The following IMMP2L variants were observed in gnomAD, a reference collection of about 807,000 sequenced individuals.
IMMP2L encodes inner mitochondrial membrane peptidase subunit 2.
Under a neutral mutation model 19.3 loss-of-function variants are expected in IMMP2L, and 18 were observed. That is an observed-to-expected ratio of 0.93 (90% CI 0.64 to 1.38). The LOEUF is 1.38. IMMP2L is among the 40% of genes most tolerant of loss of function. The pLI, the probability that IMMP2L is intolerant of heterozygous loss-of-function variation, is 0.00. For missense variants in IMMP2L, 233 were observed against 218.2 expected (o/e 1.07, Z -0.43); for synonymous variants, 76 against 73.0 (o/e 1.04, Z -0.21).
intron 2 of IMMP2L, 93 bp downstream of exon 2, chr7:111,521,220 C>G: frequency 7.5e-7 from 1 of 1,337,696 alleles, no homozygotes; most frequent in South Asian, 1.5e-5. Flanking sequence ...CCTTTCAGTT[C>G]CCAGAATAGG....
intron 5 of IMMP2L, among the ~76,000 whole-genome samples, chr7:110,718,084 G>C (rs890923995): frequency 6.6e-6 from 1 of 152,140 alleles, no homozygotes; most frequent in Non-Finnish European, 1.5e-5. Context: ...GACCAAAAAT[G>C]GGACTTCTCT....
In IMMP2L at chr7:111,264,060, C is replaced by G. The variant is rs552564672; in HGVS notation, c.239+223178G>C. 7.2e-5 allele frequency among the ~76,000 whole-genome samples: 11 copies of G among 152,170 alleles called. No individual in the cohort carries two copies. In the South Asian group the frequency reaches 2.3e-3, roughly 32 times the overall value. ...AGGCTGCAGATGGACTTAGTGAGTACAGTTATAATACTCCATACTCAGCTT... is the reference window on the plus strand; with the variant it reads ...AGGCTGCAGATGGACTTAGTGAGTAGAGTTATAATACTCCATACTCAGCTT... On this transcript the variant is annotated intron_variant, in intron 3 of 5. Coordinates refer to ENST00000405709, the MANE Select transcript of IMMP2L (RefSeq NM_032549.4).
intron 3 of IMMP2L, among the ~76,000 whole-genome samples, chr7:111,280,921 T>A (rs2130601037): frequency 6.6e-6 from 1 of 151,724 alleles, no homozygotes; most frequent in South Asian, 2.1e-4. Flanking sequence ...TACAAAAAAA[T>A]TAGCCAGGCG....
intron 3 of IMMP2L, among the ~76,000 whole-genome samples, chr7:111,070,752 T>C (rs925276713): frequency 6.6e-6 from 1 of 152,178 alleles, no homozygotes; most frequent in Non-Finnish European, 1.5e-5. Context: ...GTGTAGTATA[T>C]GATATTTTAA....
chr7:110,844,426 G>A (rs1238870949), intron 5 of IMMP2L, among the ~76,000 whole-genome samples: 1 of 151,942 alleles, frequency 6.6e-6, no homozygotes, highest in Non-Finnish European at 1.5e-5. Context: ...AAATAATGGA[G>A]TCATAGAAGA....
In IMMP2L at chr7:111,209,068, C is replaced by A. The variant is rs188578927; in HGVS notation, c.240-245503G>T. ...CTTAGAGAGCACAATTTGTTTATTT[C>A]TTCAGAAATCTGAAAGTAATGTTCA... On this transcript the variant is annotated intron_variant, in intron 3 of 5. Coordinates refer to ENST00000405709, the MANE Select transcript of IMMP2L (RefSeq NM_032549.4). Among the ~76,000 whole-genome samples, 151 of 152,142 alleles carry A rather than the reference C, an allele frequency of 9.9e-4. 1 individual carries two copies. Among genetic ancestry groups the A allele is most frequent in the African/African-American group, 3.5e-3 (145 of 41,514 alleles).
At chr7:111,468,344 T>C (rs527836900) in intron 3 of IMMP2L, among the ~76,000 whole-genome samples, 17 of 152,262 alleles carry the variant, frequency 1.1e-4, no homozygotes, top group African/African-American at 4.1e-4. Flanking sequence ...AAAAGAAATA[T>C]GCTTATTAAC....
intron 3 of IMMP2L, among the ~76,000 whole-genome samples, chr7:111,004,092 C>T (rs960792623): frequency 1.3e-5 from 2 of 152,102 alleles, no homozygotes; most frequent in African/African-American, 4.8e-5. Context: ...TAGAGGCACA[C>T]TGTCTAGATT....
chr7:111,262,932 T>C (rs573399895), intron 3 of IMMP2L, among the ~76,000 whole-genome samples: 1 of 152,256 alleles, frequency 6.6e-6, no homozygotes, highest in East Asian at 1.9e-4. Flanking sequence ...AGATCTCTAA[T>C]GCATGTTTAT....
Position 110,924,492 on chromosome 7 carries a change from G to A in IMMP2L, c.306-37797C>T, listed in dbSNP as rs895822747. Among the ~76,000 whole-genome samples, 13 of 152,066 alleles carry A rather than the reference G, an allele frequency of 8.5e-5. No individual in the cohort carries two copies. Among genetic ancestry groups the A allele is most frequent in the South Asian group, 2.1e-4 (1 of 4,824 alleles). ...GCTGCAGGTACCAGGTTTATCCTAC[G>A]TTTCTCTCACTATGGGGAACTGGGC... On this transcript the variant is annotated intron_variant, in intron 4 of 5. Coordinates refer to ENST00000405709, the MANE Select transcript of IMMP2L (RefSeq NM_032549.4). This position sits in a 1 kb window ranked among gnomAD's most constrained non-coding sequence, Gnocchi z 4.2.
At chr7:110,972,542 G>A (rs1461127372) in intron 3 of IMMP2L, among the ~76,000 whole-genome samples, 3 of 151,988 alleles carry the variant, frequency 2.0e-5, no homozygotes, top group Non-Finnish European at 4.4e-5. Context: ...AAGGATTTTT[G>A]GCAGCTGAGA....
At chr7:111,187,742 C>G (rs1384992767) in intron 3 of IMMP2L, among the ~76,000 whole-genome samples, 2 of 152,128 alleles carry the variant, frequency 1.3e-5, no homozygotes, top group Non-Finnish European at 2.9e-5. Context: ...AACTAATTCT[C>G]TAGACAAAGT....
chr7:111,263,640 A>AGT (rs1817550631), intron 3 of IMMP2L, among the ~76,000 whole-genome samples: 1 of 152,164 alleles, frequency 6.6e-6, no homozygotes, highest in African/African-American at 2.4e-5. Context: ...TGGTATTTTT[A>AGT]AACCACAAGC....
At chr7:110,736,534 A>G (rs1796647831) in intron 5 of IMMP2L, among the ~76,000 whole-genome samples, 2 of 152,186 alleles carry the variant, frequency 1.3e-5, no homozygotes, top group Admixed American at 1.3e-4. Flanking sequence ...CAGCAAAGCT[A>G]GGGGGCAGGA....
At chr7:110,737,992 A>G (rs1394866487) in intron 5 of IMMP2L, among the ~76,000 whole-genome samples, 1 of 152,158 alleles carries the variant, frequency 6.6e-6, no homozygotes, top group Admixed American at 6.5e-5. Context: ...AGGAATCCCC[A>G]TTCATAGGGG....
At chr7:111,223,365 C>T (rs1201789606) in intron 3 of IMMP2L, among the ~76,000 whole-genome samples, 2 of 151,788 alleles carry the variant, frequency 1.3e-5, no homozygotes, top group East Asian at 3.9e-4. Context: ...CTATCATTTG[C>T]AGTGTTTTAA....
intron 3 of IMMP2L, among the ~76,000 whole-genome samples, chr7:111,450,653 G>C (rs2081981564): frequency 6.7e-6 from 1 of 149,368 alleles, no homozygotes; most frequent in Admixed American, 6.7e-5. Flanking sequence ...GCGTGGGCAA[G>C]GACTTCATGT....
intron 5 of IMMP2L, among the ~76,000 whole-genome samples, chr7:110,721,373 A>G (rs1795556290): frequency 6.6e-6 from 1 of 152,072 alleles, no homozygotes; most frequent in South Asian, 2.1e-4. Context: ...TTTTAATATT[A>G]TTGTTATTGT....
chr7:111,181,467 ATCATAATT>A (rs1481226196), intron 3 of IMMP2L, among the ~76,000 whole-genome samples: 1 of 152,038 alleles, frequency 6.6e-6, no homozygotes, highest in Non-Finnish European at 1.5e-5. Flanking sequence ...TGTCAGATGA[ATCATAATT>A]TAACAAATGG....
Sources: gnomAD v4.1 joint callset for allele counts (sites outside exome capture counted in the v4.1 genomes callset) on GRCh38, gnomAD v4.1.1 for gene constraint, Gnocchi (gnomAD v3.1) non-coding constraint, MANE v1.5 for transcripts, NCBI Gene and HGNC (gene_info 2026-07-23, HGNC 2026-07-21) for gene names.